Variants in PCDH7 observed in about 807,000 individuals in gnomAD.
PCDH7 encodes the protein protocadherin-7.
PCDH7 carries 17 observed loss-of-function variants against 58.9 expected under a neutral mutation model. The observed-to-expected ratio is 0.29, with a 90% CI of 0.20 to 0.43. PCDH7 has a LOEUF of 0.43. PCDH7 is among the 20% of genes least tolerant of loss of function. The probability of loss-of-function intolerance (pLI) is 1.00; values close to 1 mark genes in which losing one functional copy is unlikely to be tolerated. For synonymous variants in PCDH7, 664 were observed against 616.4 expected (o/e 1.08, Z -1.14); for missense variants, 1,274 against 1,441.0 (o/e 0.88, Z 1.88).
At chr4:31,123,483 A>G (rs1434920468) in intron 3 of PCDH7, among the ~76,000 whole-genome samples, 2 of 152,160 alleles carry the variant, frequency 1.3e-5, no homozygotes, top group Non-Finnish European at 2.9e-5. Context: ...CATGCAGGTA[A>G]CCGGGTGCAA....
rs970854634 is a variant in PCDH7, at chr4:30,975,683, G to A, written c.*7+25468G>A. 5.9e-5 allele frequency among the ~76,000 whole-genome samples: 9 copies of A among 152,008 alleles called. No individual in the cohort carries two copies. The South Asian group carries it at 8.3e-4, about 14-fold the overall frequency. On this transcript the variant is annotated intron_variant, in intron 3 of 3. Coordinates refer to the PCDH7 transcript ENST00000509759. Reference sequence around the variant, plus strand: ...TATTCTATACTCTGACAGCAGCTTCGAATTGGTTTACTTTGTGTATTACAA... The same window carrying A: ...TATTCTATACTCTGACAGCAGCTTCAAATTGGTTTACTTTGTGTATTACAA...
chr4:30,798,961 C>G (rs1725152821), intron 1 of PCDH7, among the ~76,000 whole-genome samples: 2 of 152,088 alleles, frequency 1.3e-5, no homozygotes, highest in Non-Finnish European at 2.9e-5. Context: ...TTACACAGTT[C>G]TGTAGTTTAT....
At chr4:31,089,573 A>T (rs1262774311) in intron 3 of PCDH7, among the ~76,000 whole-genome samples, 7 of 152,108 alleles carry the variant, frequency 4.6e-5, no homozygotes, top group Non-Finnish European at 1.0e-4. Context: ...TATCAAAAAG[A>T]GTTTAAATCA....
chr4:30,905,074 G>A (rs559518435), intron 1 of PCDH7, among the ~76,000 whole-genome samples: 1 of 152,182 alleles, frequency 6.6e-6, no homozygotes, highest in African/African-American at 2.4e-5. Context: ...AGAAAAAAAA[G>A]AAAAAGAAAA....
rs183608257 is a variant in PCDH7, at chr4:31,105,508, T to C, written c.*8-36965T>C. 2.1e-4 allele frequency among the ~76,000 whole-genome samples: 32 copies of C among 152,266 alleles called. 1 individual carries two copies. In the Middle Eastern group the frequency reaches 0.01, roughly 49 times the overall value. ...ATACCATTATTAGGGCTCTATACCCTGGAGGTGCTTGCTCTAAAGAGTCAC... is the reference window on the plus strand; with the variant it reads ...ATACCATTATTAGGGCTCTATACCCCGGAGGTGCTTGCTCTAAAGAGTCAC... On this transcript the variant is annotated intron_variant, in intron 3 of 3. Transcript: ENST00000509759.
At chr4:31,103,929 GT>G (rs1715225381) in intron 3 of PCDH7, among the ~76,000 whole-genome samples, 1 of 152,102 alleles carries the variant, frequency 6.6e-6, no homozygotes, top group South Asian at 2.1e-4. Context: ...TTCTGGATCA[GT>G]TTAAGACCCC....
At chr4:30,852,255 C>A (rs752666110) in intron 1 of PCDH7, among the ~76,000 whole-genome samples, 2 of 152,006 alleles carry the variant, frequency 1.3e-5, no homozygotes, top group Non-Finnish European at 2.9e-5. Flanking sequence ...AGAAACACAT[C>A]GGATTCAATG....
chr4:31,142,324 G>T, intron 3 of PCDH7, 149 bp from the exon 3 acceptor site: 1 of 683,338 alleles, frequency 1.5e-6, no homozygotes, highest in Non-Finnish European at 2.2e-6. Flanking sequence ...ATTAAAAACT[G>T]TCCTATGGAA....
chr4:30,798,192 C>G (rs1725042515), intron 1 of PCDH7, among the ~76,000 whole-genome samples: 2 of 152,122 alleles, frequency 1.3e-5, no homozygotes, highest in African/African-American at 2.4e-5. Flanking sequence ...GAAGGAGATT[C>G]AACTTGAACT....
intron 3 of PCDH7, among the ~76,000 whole-genome samples, chr4:31,141,183 T>C (rs1357135898): frequency 6.6e-6 from 1 of 152,238 alleles, no homozygotes; most frequent in Non-Finnish European, 1.5e-5. Context: ...AAAGTGTACA[T>C]ATCTTGGGAA....
intron 3 of PCDH7, among the ~76,000 whole-genome samples, chr4:31,058,695 G>T (rs1356155666): frequency 6.6e-6 from 1 of 151,946 alleles, no homozygotes; most frequent in African/African-American, 2.4e-5. Flanking sequence ...AAAGTTAATT[G>T]CCTGGCAGTC....
At chr4:30,724,235 A>C in exon 1 of PCDH7, 1 of 1,613,598 alleles carries the variant, frequency 6.2e-7, no homozygotes, top group Non-Finnish European at 8.5e-7. Flanking sequence ...AAAAAGGACA[A>C]GAAAAACAAA....
intron 3 of PCDH7, among the ~76,000 whole-genome samples, chr4:31,055,102 G>T (rs961297931): frequency 2.6e-5 from 4 of 152,052 alleles, no homozygotes; most frequent in African/African-American, 9.7e-5. Context: ...ATTTGACATT[G>T]AAGCTCACTA....
intron 1 of PCDH7, among the ~76,000 whole-genome samples, chr4:30,765,728 G>A (rs1720658213): frequency 6.6e-6 from 1 of 152,178 alleles, no homozygotes. Context: ...TGTGTTCTCT[G>A]ATGAGAGTGT....
At chr4:31,103,539 T>C (rs1020809884) in intron 3 of PCDH7, among the ~76,000 whole-genome samples, 9 of 152,016 alleles carry the variant, frequency 5.9e-5, no homozygotes, top group African/African-American at 1.9e-4. Context: ...GGTTTCACCA[T>C]GTTGGCCAGG....
rs557133545 is a variant in PCDH7 at position 31,113,753 on chromosome 4, T to C, written c.*8-28720T>C. Among the ~76,000 whole-genome samples the C allele has an allele frequency of 7.9e-5, 12 of 152,168 alleles. No individual in the cohort carries two copies. In the South Asian group the frequency reaches 2.5e-3, roughly 32 times the overall value. On this transcript the variant is annotated intron_variant, in intron 3 of 3. Coordinates refer to the PCDH7 transcript ENST00000509759. ...AATTTTTGCAGTAACACAAAATAAC[T>C]CTTAGGGACCATCTGCCATACTTTT...
intron 3 of PCDH7, among the ~76,000 whole-genome samples, chr4:31,040,682 CTCA>C (rs1419301417): frequency 6.6e-6 from 1 of 152,154 alleles, no homozygotes; most frequent in Non-Finnish European, 1.5e-5. Context: ...TAAGCCTTTA[CTCA>C]TCACATGTTA....
chr4:30,850,787 G>A (rs576347924), intron 1 of PCDH7, among the ~76,000 whole-genome samples: 2 of 152,002 alleles, frequency 1.3e-5, no homozygotes, highest in South Asian at 2.1e-4. Context: ...CAGACCTTGC[G>A]TTTTTGGTTA....
chr4:30,917,411 C>A (rs180695360), intron 1 of PCDH7, among the ~76,000 whole-genome samples: 1 of 151,932 alleles, frequency 6.6e-6, no homozygotes, highest in Non-Finnish European at 1.5e-5. Context: ...ATGCTGATAC[C>A]ATACTATAGC....
Sources: allele counts gnomAD v4.1 joint callset (sites outside exome capture counted in the v4.1 genomes callset), GRCh38; gene constraint gnomAD v4.1.1; transcripts MANE v1.5; gene names NCBI Gene and HGNC (gene_info 2026-07-23, HGNC 2026-07-21).